Variants in KLHL18 observed in about 807,000 individuals in gnomAD.
The protein encoded by KLHL18 is kelch like family member 18.
Under a neutral mutation model 58.5 loss-of-function variants are expected in KLHL18, and 38 were observed. The ratio of observed to expected loss-of-function variants is 0.65; its 90% CI spans 0.50 to 0.85. The LOEUF is 0.85. KLHL18 is among the 40% of genes least tolerant of loss of function. The probability of loss-of-function intolerance (pLI) is 0.00; values close to 1 mark genes in which losing one functional copy is unlikely to be tolerated. For synonymous variants in KLHL18, 303 were observed against 301.9 expected, an observed-to-expected ratio of 1.00 and a Z score of -0.04; for missense variants, 624 against 778.4, an observed-to-expected ratio of 0.80 and a Z score of 2.36.
intron 9 of KLHL18, among the ~76,000 whole-genome samples, chr3:47,343,059 T>TCTA (rs1704144954): frequency 6.6e-6 from 1 of 152,228 alleles, no homozygotes. Context: ...ACCACCCTGT[T>TCTA]CTACTGTCTG....
chr3:47,309,670 G>GCTA (rs1378783252), intron 1 of KLHL18, among the ~76,000 whole-genome samples: 7 of 152,236 alleles, frequency 4.6e-5, no homozygotes, highest in Non-Finnish European at 1.5e-5. Flanking sequence ...GGAGGTTGTA[G>GCTA]CTAGCCGAGA....
intron 1 of KLHL18, among the ~76,000 whole-genome samples, chr3:47,317,010 C>T (rs1197591598): frequency 1.3e-5 from 2 of 151,826 alleles, no homozygotes; most frequent in African/African-American, 4.8e-5. Context: ...AAAGTCTAAA[C>T]TTTGAATTTT....
rs1346040063 is a variant in KLHL18 at position 47,329,931 on chromosome 3, T to G, written c.402-20T>G. ...CATCCTTTCTTCCTCTAATTTTTTT[T>G]TTCTTTCCTTATGCCAAAGGCTTCA... On this transcript the variant is annotated intron_variant, in intron 3 of 9. Transcript: ENST00000232766. 1.1e-5 allele frequency: 18 copies of G among 1,611,128 alleles called. No individual in the cohort carries two copies. The highest frequency in any genetic ancestry group is 1.4e-5 in the Non-Finnish European group (17 of 1,178,144).
At chr3:47,326,648 T>G (rs910615685) in intron 3 of KLHL18, among the ~76,000 whole-genome samples, 4 of 152,150 alleles carry the variant, frequency 2.6e-5, no homozygotes, top group African/African-American at 9.7e-5. Flanking sequence ...CTGGGTACGT[T>G]GACTCACGCC....
chr3:47,300,483 G>A (rs978415121), intron 1 of KLHL18, among the ~76,000 whole-genome samples: 32 of 149,526 alleles, frequency 2.1e-4, no homozygotes, highest in Non-Finnish European at 1.5e-5. Flanking sequence ...GCCCAAGCTG[G>A]TCTTGAACTC....
At chr3:47,331,425 C>CTTTTTTT (rs71098479) in intron 4 of KLHL18, among the ~76,000 whole-genome samples, 1 of 58,506 alleles carries the variant, frequency 1.7e-5, no homozygotes, top group Non-Finnish European at 3.0e-5. Flanking sequence ...CATGCCAGGC[C>CTTTTTTT]TTTTTTTTTT....
At position 47,319,800 on chromosome 3, in the gene KLHL18, T is replaced by A. The variant is rs1025679628; in HGVS notation, c.260+17T>A. On this transcript the variant is annotated intron_variant, in intron 2 of 9. Coordinates refer to ENST00000232766, the MANE Select transcript of KLHL18 (RefSeq NM_025010.5). ...GGACCCAAGGTACTGAATCCCACCA[T>A]TAGGTTTCGCAGGCTGCTTTCCAAG... 2.5e-6 allele frequency: 4 copies of A among 1,611,472 alleles called. No individual in the cohort carries two copies. Among genetic ancestry groups the A allele is most frequent in the Non-Finnish European group, 3.4e-6 (4 of 1,178,240 alleles).
chr3:47,321,195 T>TCTCA (rs1238594935), intron 2 of KLHL18, among the ~76,000 whole-genome samples: 2 of 151,426 alleles, frequency 1.3e-5, no homozygotes, highest in Non-Finnish European at 2.9e-5. Flanking sequence ...GGCAATGGAG[T>TCTCA]CTCACTCTTG....
intron 3 of KLHL18, among the ~76,000 whole-genome samples, chr3:47,328,935 G>A (rs186481678): frequency 2.0e-5 from 3 of 151,984 alleles, no homozygotes; most frequent in African/African-American, 7.2e-5. Context: ...GTTCAAACCT[G>A]CCTGGACAAC....
chr3:47,328,641 C>T (rs1258591395), intron 3 of KLHL18, among the ~76,000 whole-genome samples: 2 of 152,106 alleles, frequency 1.3e-5, no homozygotes, highest in Non-Finnish European at 2.9e-5. Flanking sequence ...ATCTCAGCAC[C>T]ACCACTTGCT....
chr3:47,310,433 G>A (rs1369849211), intron 1 of KLHL18, among the ~76,000 whole-genome samples: 1 of 152,152 alleles, frequency 6.6e-6, no homozygotes, highest in African/African-American at 2.4e-5. Context: ...TTTAGATGTT[G>A]AAGTTCTTCA....
chr3:47,283,418 G>A (rs1012461498), intron 1 of KLHL18: 6 of 368,490 alleles, frequency 1.6e-5, no homozygotes, highest in African/African-American at 6.2e-5. Flanking sequence ...GGAGGCAGGG[G>A]CGGTGGCCGG....
At chr3:47,330,210 G>T in intron 4 of KLHL18, 61 bp downstream of exon 4, 2 of 1,460,376 alleles carry the variant, frequency 1.4e-6, no homozygotes, top group Non-Finnish European at 1.9e-6. Flanking sequence ...TATAGTCATT[G>T]TTTTGTTTAT....
chr3:47,334,574 C>A lies in KLHL18; in HGVS notation c.762-109C>A. 7.7e-7 allele frequency: 1 copy of A among 1,303,200 alleles called. No homozygotes were observed. The highest frequency in any genetic ancestry group is 1.1e-6 in the Non-Finnish European group (1 of 923,204). 80.7% of individuals were successfully genotyped at this position (1,303,200 alleles called of 1,614,324 possible). A position where few individuals can be genotyped will look rare whatever the true frequency, so the allele number is the denominator to read the frequency against. ...AGACCAGACCTTCCAGAAGGCTTCT[C>A]CTCCCAGGTTTCCCCTGCAGTTGGC... On this transcript the variant is annotated intron_variant, in intron 5 of 9. Coordinates refer to ENST00000232766, the MANE Select transcript of KLHL18 (RefSeq NM_025010.5). The surrounding 1 kb of genome is among the most constrained non-coding windows in gnomAD (Gnocchi z 4.7).
intron 2 of KLHL18, 101 bp downstream of exon 2, chr3:47,319,884 T>C: frequency 8.2e-7 from 1 of 1,220,814 alleles, no homozygotes; most frequent in Non-Finnish European, 1.2e-6. Context: ...CAGTGTCTAA[T>C]AGCCTAGCTC....
intron 1 of KLHL18, chr3:47,297,723 A>G: frequency 2.3e-6 from 1 of 440,830 alleles, no homozygotes. Context: ...GATGAAGCCT[A>G]TTTTTAGATG....
At chr3:47,328,752 T>C (rs996345679) in intron 3 of KLHL18, among the ~76,000 whole-genome samples, 1 of 152,102 alleles carries the variant, frequency 6.6e-6, no homozygotes, top group Admixed American at 6.6e-5. Flanking sequence ...CTGGAGAATG[T>C]GTATAAAAGG....
At chr3:47,336,477 C>A in intron 6 of KLHL18, 58 bp from the exon 7 acceptor site, 1 of 1,431,034 alleles carries the variant, frequency 7.0e-7, no homozygotes, top group Non-Finnish European at 9.8e-7. Context: ...TGCCCAATAG[C>A]TGTGCTCTAA....
rs1164157555 is a variant in KLHL18, at chr3:47,346,527, A to T, written c.*2586A>T. 2 of 152,586 alleles carry T rather than the reference A, an allele frequency of 1.3e-5. No individual in the cohort carries two copies. Among genetic ancestry groups the T allele is most frequent in the Non-Finnish European group, 2.9e-5 (2 of 68,060 alleles). 9.5% of individuals were successfully genotyped at this position (152,586 alleles called of 1,614,324 possible). Reference sequence around the variant, plus strand: ...GATGTAACAAGGAGATAGGGTAGACATTGTACTCAGTGGGCCTTGGGGCCT... The same window carrying T: ...GATGTAACAAGGAGATAGGGTAGACTTTGTACTCAGTGGGCCTTGGGGCCT... On this transcript the variant is annotated 3_prime_UTR_variant, in exon 10 of 10. Transcript: ENST00000232766.
Sources: gnomAD v4.1 joint callset for allele counts (sites outside exome capture counted in the v4.1 genomes callset) on GRCh38, gnomAD v4.1.1 for gene constraint, Gnocchi (gnomAD v3.1) non-coding constraint, MANE v1.5 for transcripts, NCBI Gene and HGNC (gene_info 2026-07-23, HGNC 2026-07-21) for gene names.